Variants in IL1RAPL2 observed in about 807,000 individuals in gnomAD.
IL1RAPL2 encodes the protein interleukin 1 receptor accessory protein like 2.
A neutral mutation model predicts 44.1 loss-of-function variants in IL1RAPL2; 3 were observed. The observed-to-expected ratio is 0.07, with a 90% CI of 0.03 to 0.18. The LOEUF (loss-of-function observed/expected upper bound fraction) is 0.18. Among genes scored for constraint, IL1RAPL2 ranks in the 10% least tolerant of loss-of-function variants. The pLI is 1.00. For synonymous variants in IL1RAPL2, 181 were observed against 178.8 expected (o/e 1.01, Z -0.10); for missense variants, 391 against 496.4 (o/e 0.79, Z 2.02).
At chrX:105,069,518 G>T (rs1267075786) in intron 2 of IL1RAPL2, among the ~76,000 whole-genome samples, 1 of 111,925 alleles carries the variant, frequency 8.9e-6, no homozygotes. Flanking sequence ...AAAGAAATGG[G>T]AACATTATGT....
intron 6 of IL1RAPL2, among the ~76,000 whole-genome samples, chrX:105,666,086 T>G (rs114892109): frequency 0.31 from 33,211 of 107,973 alleles, 4,018 homozygotes; most frequent in Non-Finnish European, 0.36. Flanking sequence ...AAATGGGTTT[T>G]TTTTTTTTTT....
Position 105,338,827 on chromosome X carries a change from C to T in IL1RAPL2, c.697+71286C>T, listed in dbSNP as rs1011175088. On this transcript the variant is annotated intron_variant, in intron 5 of 10. Transcript: ENST00000372582. ...TTAAAACAGCAGCACAGGCTGGGCGCGATAGCTCATGACTATAATCTCAGC... is the reference window on the plus strand; with the variant it reads ...TTAAAACAGCAGCACAGGCTGGGCGTGATAGCTCATGACTATAATCTCAGC... 8.1e-5 allele frequency among the ~76,000 whole-genome samples: 9 copies of T among 111,652 alleles called. No individual in the cohort carries two copies. The South Asian group carries it at 2.2e-3, about 28-fold the overall frequency.
intron 5 of IL1RAPL2, among the ~76,000 whole-genome samples, chrX:105,302,216 G>A (rs183942645): frequency 9.0e-6 from 1 of 111,608 alleles, no homozygotes; most frequent in African/African-American, 3.3e-5. Context: ...AGATTATTAG[G>A]TTTTTTTCTA....
intron 6 of IL1RAPL2, among the ~76,000 whole-genome samples, chrX:105,645,821 T>C (rs2037601379): frequency 8.9e-6 from 1 of 112,222 alleles, no homozygotes; most frequent in African/African-American, 3.2e-5. Flanking sequence ...ATGTGAATTA[T>C]TATGTCTGCG....
chrX:104,608,123 G>A (rs5916809), intron 1 of IL1RAPL2, among the ~76,000 whole-genome samples: 39,875 of 109,457 alleles, frequency 0.36, 5,797 homozygotes, highest in East Asian at 0.54. Flanking sequence ...GCAAACTATC[G>A]CAAGGACAGA....
At position 104,573,247 on chromosome X, in the gene IL1RAPL2, A is replaced by G. The variant is rs775833171; in HGVS notation, c.-20+6196A>G. ...GATTTTTTTAAAACAGCTATGCTCTAGAAGTGCTCTATTCAATAAATATGC... is the reference window on the plus strand; with the variant it reads ...GATTTTTTTAAAACAGCTATGCTCTGGAAGTGCTCTATTCAATAAATATGC... On this transcript the variant is annotated intron_variant, in intron 1 of 10. Coordinates refer to ENST00000372582, the MANE Select transcript of IL1RAPL2 (RefSeq NM_017416.2). Among the ~76,000 whole-genome samples, 11 of 112,443 alleles carry G rather than the reference A, an allele frequency of 9.8e-5. No individual in the cohort carries two copies. In the East Asian group the frequency reaches 2.5e-3, roughly 26 times the overall value.
chrX:105,733,483 A>G (rs2147568802), intron 7 of IL1RAPL2, among the ~76,000 whole-genome samples: 1 of 111,118 alleles, frequency 9.0e-6, no homozygotes, highest in Non-Finnish European at 1.9e-5. Flanking sequence ...TATTTCTGGT[A>G]TTTATTATAT....
chrX:104,883,404 G>A lies in IL1RAPL2; in HGVS notation c.82+224409G>A, dbSNP rs745429403. Among the ~76,000 whole-genome samples the A allele has an allele frequency of 2.7e-5, 3 of 111,113 alleles. No homozygotes were observed. The South Asian group carries it at 1.2e-3, about 43-fold the overall frequency. ...CCTGGAACAAGCTTCTGCTTTTCCT[G>A]TACTTCTGGGCTGAGTCAAGGTCAA... On this transcript the variant is annotated intron_variant, in intron 2 of 10. Coordinates refer to ENST00000372582, the MANE Select transcript of IL1RAPL2 (RefSeq NM_017416.2).
intron 2 of IL1RAPL2, among the ~76,000 whole-genome samples, chrX:104,712,575 A>T (rs1259054140): frequency 9.0e-6 from 1 of 111,165 alleles, no homozygotes; most frequent in Non-Finnish European, 1.9e-5. Flanking sequence ...CTAGCCCTTA[A>T]ATAAATATAC....
intron 1 of IL1RAPL2, among the ~76,000 whole-genome samples, chrX:104,632,101 T>C (rs1041019968): frequency 1.8e-5 from 2 of 111,614 alleles, no homozygotes; most frequent in African/African-American, 3.3e-5. Flanking sequence ...AATAGGGGAT[T>C]GTTTCCCCAT....
chrX:105,729,795 G>A (rs1430517192), intron 7 of IL1RAPL2, among the ~76,000 whole-genome samples: 1 of 104,808 alleles, frequency 9.5e-6, no homozygotes, highest in East Asian at 3.0e-4. Context: ...GAAAGAGAAA[G>A]AACACAAATA....
chrX:105,633,212 T>C (rs1602496331), intron 6 of IL1RAPL2, among the ~76,000 whole-genome samples: 2 of 111,849 alleles, frequency 1.8e-5, no homozygotes, highest in East Asian at 5.7e-4. Context: ...CAAGAGATCT[T>C]TTAGATAAAG....
intron 2 of IL1RAPL2, among the ~76,000 whole-genome samples, chrX:105,081,632 T>C (rs181545579): frequency 1.8e-5 from 2 of 111,803 alleles, no homozygotes; most frequent in East Asian, 5.6e-4. Flanking sequence ...ATAGTTATTA[T>C]TTTGAGATAC....
chrX:104,882,973 G>C (rs1361020482), intron 2 of IL1RAPL2, among the ~76,000 whole-genome samples: 1 of 111,301 alleles, frequency 9.0e-6, no homozygotes, highest in Non-Finnish European at 1.9e-5. Flanking sequence ...GGTCAAGCGA[G>C]ATCAAGAACC....
intron 2 of IL1RAPL2, among the ~76,000 whole-genome samples, chrX:104,709,846 T>C (rs1931425446): frequency 3.6e-5 from 4 of 110,852 alleles, no homozygotes; most frequent in Admixed American, 2.9e-4. Context: ...GCAATGGTCA[T>C]TGTTTCAAAG....
chrX:105,713,790 A>T (rs2038234547), intron 6 of IL1RAPL2, among the ~76,000 whole-genome samples: 1 of 111,220 alleles, frequency 9.0e-6, no homozygotes, highest in South Asian at 3.8e-4. Flanking sequence ...ATGCGTATTA[A>T]TTCCTTTAAC....
intron 2 of IL1RAPL2, among the ~76,000 whole-genome samples, chrX:105,092,603 G>A (rs1027109253): frequency 9.0e-6 from 1 of 111,444 alleles, no homozygotes; most frequent in Non-Finnish European, 1.9e-5. Flanking sequence ...TTTCTGGGTA[G>A]ACTGATACCA....
At chrX:105,405,854 C>T (rs1602397097) in intron 5 of IL1RAPL2, 34 of 1,173,505 alleles carry the variant, frequency 2.9e-5, no homozygotes, top group Non-Finnish European at 3.8e-5. Context: ...GCAGTAAACT[C>T]GGCATAAAAG....
chrX:105,100,545 T>C (rs2032659304), intron 2 of IL1RAPL2, among the ~76,000 whole-genome samples: 1 of 111,387 alleles, frequency 9.0e-6, no homozygotes, highest in African/African-American at 3.3e-5. Flanking sequence ...AAGCTCAGCT[T>C]CCTTTATGCT....
Sources: allele counts gnomAD v4.1 joint callset (sites outside exome capture counted in the v4.1 genomes callset), GRCh38; gene constraint gnomAD v4.1.1; transcripts MANE v1.5; gene names NCBI Gene and HGNC (gene_info 2026-07-23, HGNC 2026-07-21).